DPYSL4: variants seen among roughly 807,000 people sequenced by gnomAD.
DPYSL4 encodes the protein dihydropyrimidinase like 4.
DPYSL4 carries 43 observed loss-of-function variants against 63.4 expected under a neutral mutation model. The ratio of observed to expected loss-of-function variants is 0.68; its 90% CI spans 0.53 to 0.88. The LOEUF (loss-of-function observed/expected upper bound fraction) is 0.88. Ranked by LOEUF, DPYSL4 falls within the 40% of genes least tolerant of loss-of-function variation. DPYSL4 has a pLI of 0.00. For synonymous variants in DPYSL4, 353 were observed against 331.7 expected (o/e 1.06, Z -0.70); for missense variants, 733 against 819.5 (o/e 0.89, Z 1.29).
At chr10:132,198,562 C>CCAGGAGCCCAGGG in intron 7 of DPYSL4, 79 bp downstream of exon 7, 1 of 1,415,738 alleles carries the variant, frequency 7.1e-7, no homozygotes, top group Non-Finnish European at 9.6e-7. Context: ...CTGACCCTGG[C>CCAGGAGCCCAGGG]CCTGGGCTCC....
At chr10:132,198,539 G>A in intron 7 of DPYSL4, 56 bp downstream of exon 7, 1 of 1,513,172 alleles carries the variant, frequency 6.6e-7, no homozygotes, top group East Asian at 2.4e-5. Context: ...GACCACTGCT[G>A]CCTGGGGCTG....
chr10:132,203,129 G>A (rs1168886444), intron 12 of DPYSL4, among the ~76,000 whole-genome samples: 1 of 152,236 alleles, frequency 6.6e-6, no homozygotes. Flanking sequence ...CAGATATAAA[G>A]TGAGCAGAAA....
chr10:132,189,426 C>T (rs976368372), intron 1 of DPYSL4, among the ~76,000 whole-genome samples: 1 of 152,252 alleles, frequency 6.6e-6, no homozygotes, highest in African/African-American at 2.4e-5. Context: ...GCTTCCCGGC[C>T]ATCTGGTAGG....
intron 2 of DPYSL4, among the ~76,000 whole-genome samples, chr10:132,191,221 C>G (rs1426219641): frequency 1.2e-5 from 1 of 83,178 alleles, no homozygotes; most frequent in Admixed American, 1.3e-4. Flanking sequence ...ACACTGGTCA[C>G]GTGGTATCCA....
chr10:132,201,197 G>A (rs1324748145), intron 10 of DPYSL4, among the ~76,000 whole-genome samples: 1 of 152,154 alleles, frequency 6.6e-6, no homozygotes, highest in Non-Finnish European at 1.5e-5. Context: ...GGGGCAGCTG[G>A]TAGCCCCCCA....
intron 1 of DPYSL4, among the ~76,000 whole-genome samples, chr10:132,189,058 A>G (rs1205697192): frequency 1.3e-5 from 2 of 152,198 alleles, no homozygotes; most frequent in African/African-American, 2.4e-5. Flanking sequence ...AGTTTTACCA[A>G]TTGTGCACTT....
rs997362438 is a variant in DPYSL4, at chr10:132,194,915, C to G, written c.384C>G (p.Asp128Glu). 27 of 1,612,550 alleles carry G rather than the reference C, an allele frequency of 1.7e-5. No individual in the cohort carries two copies. The highest frequency in any genetic ancestry group is 2.3e-5 in the Non-Finnish European group (27 of 1,179,936). The change falls in exon 4 of 14, where the codon GAC (aspartate) becomes GAG (glutamate). Residue 128 changes from aspartate (D) to glutamate (E), a missense_variant. Asp to Glu is a conservative substitution (Grantham distance 45). Coordinates refer to ENST00000338492, the MANE Select transcript of DPYSL4 (RefSeq NM_006426.3). Reference sequence around the variant, plus strand: ...ACGAGCAGTGGCGGGAGCGGGCGGACAGCGCGGCCTGCTGCGACTACTCCC... The same window carrying G: ...ACGAGCAGTGGCGGGAGCGGGCGGAGAGCGCGGCCTGCTGCGACTACTCCC... ...AAYEQWRERA[D>E]SAACCDYSLH...
chr10:132,199,465 G>T lies in DPYSL4; in HGVS notation c.811+494G>T, dbSNP rs552284895. ...CGGCTTGACTGTGGTGTCCCCCAGA[G>T]GCTACTGGGCTCAGAGGGTCCATGG... is the stretch of plus-strand genomic sequence containing the variant. On this transcript the variant is annotated intron_variant, in intron 8 of 13. Coordinates refer to ENST00000338492, the MANE Select transcript of DPYSL4 (RefSeq NM_006426.3). Among the ~76,000 whole-genome samples the T allele has an allele frequency of 3.9e-5, 6 of 152,108 alleles. No homozygotes were observed. In the East Asian group the frequency reaches 9.7e-4, roughly 25 times the overall value.
chr10:132,201,922 C>T (rs1355761905), intron 10 of DPYSL4, 24 bp from the exon 11 acceptor site: 1 of 1,601,420 alleles, frequency 6.2e-7, no homozygotes, highest in African/African-American at 1.3e-5. Flanking sequence ...CCGTCGCCCT[C>T]AGCTCAGCCT....
At chr10:132,197,158 C>G in intron 6 of DPYSL4, 57 bp downstream of exon 6, 1 of 1,420,376 alleles carries the variant, frequency 7.0e-7, no homozygotes, top group Non-Finnish European at 9.3e-7. Context: ...GGGGCAGGGG[C>G]TGCCTGTGGG....
rs1247425185 is a variant in DPYSL4 at position 132,200,853 on chromosome 10, A to T, written c.980A>T (p.Gln327Leu). The T allele has an allele frequency of 1.2e-6, 2 of 1,612,542 alleles. No individual in the cohort carries two copies. Among genetic ancestry groups the T allele is most frequent in the Non-Finnish European group, 1.7e-6 (2 of 1,179,756 alleles). ...TGGCTTGTTTCCAGCGGGGACCTCC[A>T]GGTGACAGGCAGCGCCCACTGCACC... Reference protein sequence around the residue: ...LTCLLSSGDLQVTGSAHCTFT... With the variant: ...LTCLLSSGDLLVTGSAHCTFT... The change falls in exon 10 of 14, where the codon CAG becomes CTG. Residue 327 changes from glutamine (Q) to leucine (L), a missense_variant. Physicochemically the swap from Gln to Leu is moderately radical, Grantham distance 113. Transcript: ENST00000338492.
Position 132,194,977 on chromosome 10 carries a change from A to G in DPYSL4, c.446A>G (p.Lys149Arg). Residue 149 changes from lysine (K) to arginine (R), a missense_variant, in exon 4 of 14, where the codon AAG (lysine) becomes AGG (arginine). Physicochemically the swap from Lys to Arg is conservative, Grantham distance 26. Transcript: ENST00000338492. The part of the protein sequence containing the change: ...VDITRWHESI[K>R]EELEALVKEK... ...ATCACCCGATGGCATGAGAGCATCAAGGAGGAGCTGGAGGCCCTGGTCAAG... is the reference window on the plus strand; with the variant it reads ...ATCACCCGATGGCATGAGAGCATCAGGGAGGAGCTGGAGGCCCTGGTCAAG... 1 of 1,607,556 alleles carries G rather than the reference A, an allele frequency of 6.2e-7. No homozygotes were observed. The highest frequency in any genetic ancestry group is 8.5e-7 in the Non-Finnish European group (1 of 1,179,126).
At chr10:132,192,474 G>C in intron 2 of DPYSL4, 184 bp from the exon 3 acceptor site, 1 of 1,362,476 alleles carries the variant, frequency 7.3e-7, no homozygotes, top group East Asian at 2.8e-5. Flanking sequence ...GTCCTGAGCT[G>C]CGCTGAGTGA....
At chr10:132,202,936 A>G in intron 12 of DPYSL4, 111 bp downstream of exon 12, 1 of 1,338,744 alleles carries the variant, frequency 7.5e-7, no homozygotes. Flanking sequence ...GGTCAGGAAG[A>G]CAGAGCGGGG....
intron 12 of DPYSL4, among the ~76,000 whole-genome samples, chr10:132,203,278 G>A (rs947371158): frequency 2.8e-5 from 2 of 71,572 alleles, no homozygotes; most frequent in African/African-American, 5.4e-5. Context: ...TCAGCCACGG[G>A]AGCCCCCCCC....
chr10:132,195,922 C>T (rs1290385952), intron 4 of DPYSL4, among the ~76,000 whole-genome samples: 1 of 152,210 alleles, frequency 6.6e-6, no homozygotes, highest in Admixed American at 6.5e-5. Context: ...GCCTCTGCTC[C>T]CCAAGAGCCA....
In DPYSL4 at chr10:132,204,970, C is replaced by T. The variant is rs770106986; in HGVS notation, c.*40C>T. 61 of 1,541,788 alleles carry T rather than the reference C, an allele frequency of 4.0e-5. No homozygotes were observed. Among genetic ancestry groups the T allele is most frequent in the African/African-American group, 6.9e-5 (5 of 72,350 alleles). ...CCCTGTGAGCCGTGCTGGCCCCACCCGAGGCCGCGGGGGCCCCAGGGCACT... is the reference window on the plus strand; with the variant it reads ...CCCTGTGAGCCGTGCTGGCCCCACCTGAGGCCGCGGGGGCCCCAGGGCACT... On this transcript the variant is annotated 3_prime_UTR_variant, in exon 14 of 14. Transcript: ENST00000338492.
chr10:132,197,178 G>A, intron 6 of DPYSL4, 77 bp downstream of exon 6: 1 of 1,282,936 alleles, frequency 7.8e-7, no homozygotes, highest in South Asian at 1.6e-5. Flanking sequence ...GGTGGGGCAG[G>A]GGTCTGAGGG....
chr10:132,201,005 G>T, intron 10 of DPYSL4, 22 bp downstream of exon 10: 2 of 1,610,410 alleles, frequency 1.2e-6, no homozygotes, highest in Non-Finnish European at 1.7e-6. Flanking sequence ...CCTGGCCGGG[G>T]CACGCCGTCT....
Sources: gnomAD v4.1 joint callset for allele counts (sites outside exome capture counted in the v4.1 genomes callset) on GRCh38, gnomAD v4.1.1 for gene constraint, MANE v1.5 for transcripts, NCBI Gene and HGNC (gene_info 2026-07-23, HGNC 2026-07-21) for gene names.